The following SV2C variants were observed in gnomAD, a reference collection of about 807,000 sequenced individuals.
The protein encoded by SV2C is synaptic vesicle glycoprotein 2C.
SV2C carries 49 observed loss-of-function variants against 79.7 expected under a neutral mutation model. The observed-to-expected ratio is 0.61, with a 90% CI of 0.49 to 0.78. The LOEUF (loss-of-function observed/expected upper bound fraction) is 0.78. Among genes scored for constraint, SV2C ranks in the 30% least tolerant of loss-of-function variants. SV2C has a pLI of 0.00. For missense variants in SV2C, 833 were observed against 912.9 expected (o/e 0.91, Z 1.13); for synonymous variants, 334 against 333.2 (o/e 1.00, Z -0.03).
chr5:75,886,003 C>A, the SV2C span, among the ~76,000 whole-genome samples: 3 of 152,238 alleles, frequency 2.0e-5, no homozygotes, highest in Admixed American at 1.3e-4. Context: ...CCAGGATGGC[C>A]TTTCAGAGCT....
the SV2C span, among the ~76,000 whole-genome samples, chr5:76,017,895 C>T: frequency 3.9e-5 from 6 of 152,150 alleles, no homozygotes; most frequent in Admixed American, 6.5e-5. Flanking sequence ...ATTTTTGCTA[C>T]AAACACAGTT....
the SV2C span, among the ~76,000 whole-genome samples, chr5:76,055,950 C>T: frequency 6.6e-6 from 1 of 152,128 alleles, no homozygotes; most frequent in Non-Finnish European, 1.5e-5. Flanking sequence ...CAAACAGAGA[C>T]AATTTGACTT....
the SV2C span, among the ~76,000 whole-genome samples, chr5:75,849,950 T>G: frequency 1.3e-5 from 2 of 152,206 alleles, no homozygotes; most frequent in African/African-American, 4.8e-5. Flanking sequence ...TGTTTATAGT[T>G]TTTATTATTT....
At chr5:76,127,829 A>G (rs1748760407) in intron 1 of SV2C, among the ~76,000 whole-genome samples, 1 of 152,110 alleles carries the variant, frequency 6.6e-6, no homozygotes, top group Admixed American at 6.5e-5. Context: ...GTGGGGAAAA[A>G]TTCCGAGGCA....
the SV2C span, among the ~76,000 whole-genome samples, chr5:75,908,893 C>T: frequency 8.6e-5 from 13 of 151,934 alleles, no homozygotes; most frequent in African/African-American, 2.9e-4. Context: ...TATGTAGTTG[C>T]CTTATTTTGC....
chr5:76,220,482 G>T (rs1580363200), intron 4 of SV2C, among the ~76,000 whole-genome samples: 1 of 151,978 alleles, frequency 6.6e-6, no homozygotes, highest in Non-Finnish European at 1.5e-5. Context: ...GGCCAGCCTG[G>T]GCAACATGGC....
chr5:76,041,340 A>C, the SV2C span, among the ~76,000 whole-genome samples: 2 of 152,178 alleles, frequency 1.3e-5, no homozygotes, highest in East Asian at 3.9e-4. Context: ...GCCCTGTTGC[A>C]AAGGGCCTCA....
chr5:75,971,101 A>C, the SV2C span, among the ~76,000 whole-genome samples: 1 of 152,138 alleles, frequency 6.6e-6, no homozygotes, highest in African/African-American at 2.4e-5. Flanking sequence ...AGATGCAGAA[A>C]AGGCCTTTGA....
At chr5:76,052,929 A>ATTCAAATAT in the SV2C span, among the ~76,000 whole-genome samples, 2 of 151,316 alleles carry the variant, frequency 1.3e-5, no homozygotes, top group South Asian at 4.1e-4. Flanking sequence ...TTATGTTAAC[A>ATTCAAATAT]TTCAAATATT....
At chr5:76,155,655 C>T (rs538198286) in intron 2 of SV2C, among the ~76,000 whole-genome samples, 1 of 152,176 alleles carries the variant, frequency 6.6e-6, no homozygotes, top group South Asian at 2.1e-4. Flanking sequence ...ATCCTGGGAC[C>T]TACATTATCC....
chr5:76,092,592 A>G lies in SV2C; in HGVS notation c.-102+9080A>G, dbSNP rs146430620. Among the ~76,000 whole-genome samples, 1,094 of 152,304 alleles carry G rather than the reference A, an allele frequency of 7.2e-3. 23 individuals are homozygous for G. The highest frequency in any genetic ancestry group is 0.039 in the Admixed American group (602 of 15,288). On this transcript the variant is annotated intron_variant, in intron 1 of 12. Transcript: ENST00000502798. ...CCCCATTCCTCCACCCCCATCCTCA[A>G]TAAATCTTATTTGTCCAATAGCTGT...
chr5:76,173,826 A>G (rs780397824), intron 2 of SV2C: 2 of 1,597,970 alleles, frequency 1.3e-6, no homozygotes, highest in African/African-American at 2.7e-5. Context: ...TCATCTTCCA[A>G]GTCACACTTA....
intron 4 of SV2C, among the ~76,000 whole-genome samples, chr5:76,265,948 A>AT (rs1447938061): frequency 6.6e-6 from 1 of 152,018 alleles, no homozygotes; most frequent in African/African-American, 2.4e-5. Context: ...CTCAAGACTG[A>AT]TTTTTTTAAT....
At chr5:75,982,972 G>A in the SV2C span, among the ~76,000 whole-genome samples, 1 of 152,120 alleles carries the variant, frequency 6.6e-6, no homozygotes, top group African/African-American at 2.4e-5. Context: ...GGAGGGGGGA[G>A]GGTGAATAGT....
chr5:76,036,243 C>T, the SV2C span, among the ~76,000 whole-genome samples: 2 of 151,914 alleles, frequency 1.3e-5, no homozygotes, highest in Non-Finnish European at 2.9e-5. Context: ...AGTCCATTTA[C>T]ATTTAAAGTT....
chr5:76,310,005 A>AAGAT (rs1432136490), intron 12 of SV2C, among the ~76,000 whole-genome samples: 1 of 152,140 alleles, frequency 6.6e-6, no homozygotes, highest in African/African-American at 2.4e-5. Flanking sequence ...GGATGCCAGA[A>AAGAT]AGATACCTGA....
chr5:76,281,103 A>G lies in SV2C; in HGVS notation c.914-4059A>G, dbSNP rs1747179945. 4.8e-5 allele frequency: 26 copies of G among 542,424 alleles called. 1 individual carries two copies. The highest frequency in any genetic ancestry group is 3.4e-4 in the South Asian group (25 of 72,522). 33.6% of individuals were successfully genotyped at this position (542,424 alleles called of 1,614,324 possible). ...TAAAGACTAAAAAAACTAAAGCAGT[A>G]GAGAATTACCTTATACAGATGACAA... On this transcript the variant is annotated intron_variant, in intron 4 of 12. Coordinates refer to ENST00000502798, the MANE Select transcript of SV2C (RefSeq NM_014979.4).
At chr5:75,992,867 A>G in the SV2C span, among the ~76,000 whole-genome samples, 3 of 152,078 alleles carry the variant, frequency 2.0e-5, no homozygotes, top group Admixed American at 6.6e-5. Flanking sequence ...AGGCAGAGGA[A>G]CAAATCAAAC....
At chr5:75,974,916 A>G in the SV2C span, among the ~76,000 whole-genome samples, 4 of 152,280 alleles carry the variant, frequency 2.6e-5, no homozygotes, top group East Asian at 7.7e-4. Context: ...GAGGCTTTGA[A>G]AAAACTTGTC....
Sources: allele counts gnomAD v4.1 joint callset (sites outside exome capture counted in the v4.1 genomes callset), GRCh38; gene constraint gnomAD v4.1.1; transcripts MANE v1.5; gene names NCBI Gene and HGNC (gene_info 2026-07-23, HGNC 2026-07-21).